TYW1B: variants seen among roughly 807,000 people sequenced by gnomAD.
TYW1B encodes tRNA-yW synthesizing protein 1 homolog B.
In TYW1B, 73 loss-of-function variants were observed where a neutral mutation model predicts 86.9. The ratio of observed to expected loss-of-function variants is 0.84; its 90% CI spans 0.70 to 1.02. The LOEUF is 1.02. TYW1B is among the 50% of genes least tolerant of loss of function. The probability of loss-of-function intolerance (pLI) is 0.00; values close to 1 mark genes in which losing one functional copy is unlikely to be tolerated. For synonymous variants in TYW1B, 248 were observed against 292.8 expected (o/e 0.85, Z 1.56); for missense variants, 637 against 827.4 (o/e 0.77, Z 2.82).
At chr7:72,745,138 C>T (rs1429343815) in intron 7 of TYW1B, among the ~76,000 whole-genome samples, 1 of 152,198 alleles carries the variant, frequency 6.6e-6, no homozygotes, top group African/African-American at 2.4e-5. Flanking sequence ...AATCCTCCTG[C>T]CTCAGACTCT....
chr7:72,686,704 T>C (rs3015927), intron 11 of TYW1B, among the ~76,000 whole-genome samples: 2 of 152,168 alleles, frequency 1.3e-5, no homozygotes, highest in Non-Finnish European at 2.9e-5. Context: ...AAATACAGAC[T>C]GTGGCTGATA....
At chr7:72,757,234 AGC>A (rs1787606861) in intron 7 of TYW1B, among the ~76,000 whole-genome samples, 1 of 151,698 alleles carries the variant, frequency 6.6e-6, no homozygotes. Context: ...CAGGCGTGGT[AGC>A]GCGCGCCTGT....
chr7:72,815,068 C>CAAAAAAAAAAAAAAAA (rs576240918), intron 3 of TYW1B, among the ~76,000 whole-genome samples: 1 of 73,112 alleles, frequency 1.4e-5, no homozygotes, highest in Non-Finnish European at 2.8e-5. Flanking sequence ...GACTCCATCT[C>CAAAAAAAAAAAAAAAA]AAAAAAAAAA....
intron 6 of TYW1B, among the ~76,000 whole-genome samples, chr7:72,794,922 G>A (rs563681248): frequency 1.3e-5 from 2 of 151,668 alleles, no homozygotes; most frequent in South Asian, 2.1e-4. Flanking sequence ...AGGCTCAAGC[G>A]ATTCTCCTAC....
chr7:72,669,742 A>G (rs1363753723), intron 11 of TYW1B, among the ~76,000 whole-genome samples: 1 of 151,202 alleles, frequency 6.6e-6, no homozygotes, highest in African/African-American at 2.4e-5. Context: ...TGCACTCCAG[A>G]CTGGGTGATA....
At chr7:72,632,399 T>TATATACATATGTATATAA (rs1812541714) in intron 11 of TYW1B, among the ~76,000 whole-genome samples, 2 of 94,518 alleles carry the variant, frequency 2.1e-5, no homozygotes, top group African/African-American at 1.5e-4. Flanking sequence ...TATATATATA[T>TATATACATATGTATATAA]AATATATATA....
chr7:72,758,484 T>TTAGAAAAAA (rs1554466642), intron 7 of TYW1B, among the ~76,000 whole-genome samples: 1 of 151,900 alleles, frequency 6.6e-6, no homozygotes, highest in African/African-American at 2.4e-5. Context: ...TTTTTCTCTC[T>TTAGAAAAAA]CTGTTTGTTA....
intron 12 of TYW1B, among the ~76,000 whole-genome samples, chr7:72,620,922 G>A (rs1310579543): frequency 4.6e-5 from 7 of 152,310 alleles, no homozygotes; most frequent in Admixed American, 3.3e-4. Flanking sequence ...AAGAATGTTC[G>A]TGAAGAACAG....
rs62466878 is a variant in TYW1B at position 72,798,743 on chromosome 7, T to G, written c.846+3657A>C. ...ATCCTGGACTCCCACCTGCAAGGTATGAGTGCCTGTTTACTCAGAGCCTCG... is the reference window on the plus strand; with the variant it reads ...ATCCTGGACTCCCACCTGCAAGGTAGGAGTGCCTGTTTACTCAGAGCCTCG... On this transcript the variant is annotated intron_variant, in intron 6 of 13. Coordinates refer to ENST00000620995, the MANE Select transcript of TYW1B (RefSeq NM_001145440.3). Among the ~76,000 whole-genome samples the G allele has an allele frequency of 6.3e-3, 955 of 152,332 alleles. 6 individuals carry two copies. The highest frequency in any genetic ancestry group is 8.4e-3 in the Non-Finnish European group (573 of 68,042).
rs539678048 is a variant in TYW1B, at chr7:72,704,689, C to T, written c.1370+8932G>A. On this transcript the variant is annotated intron_variant, in intron 10 of 13. Coordinates refer to ENST00000620995, the MANE Select transcript of TYW1B (RefSeq NM_001145440.3). ...CCTGCCTTGCCAAAGGTGAAACTTC[C>T]GTGTTTCATGTCTTATCTCACATAC... Among the ~76,000 whole-genome samples the T allele has an allele frequency of 3.9e-5, 6 of 152,194 alleles. No homozygotes were observed. In the East Asian group the frequency reaches 1.2e-3, roughly 29 times the overall value.
rs1814685884 is a variant in TYW1B at position 72,709,264 on chromosome 7, T to C, written c.1370+4357A>G. 2.6e-5 allele frequency among the ~76,000 whole-genome samples: 4 copies of C among 152,226 alleles called. 1 individual carries two copies. In the South Asian group the frequency reaches 8.3e-4, roughly 32 times the overall value. ...ATCTAGAATGGCTACTTTCTACATA[T>C]TCTGTCTTGTTCCAGGGAAGGACAT... On this transcript the variant is annotated intron_variant, in intron 10 of 13. Transcript: ENST00000620995.
At chr7:72,775,990 A>G (rs1286932000) in intron 7 of TYW1B, among the ~76,000 whole-genome samples, 4 of 152,162 alleles carry the variant, frequency 2.6e-5, no homozygotes, top group Admixed American at 2.6e-4. Context: ...GCTTTAGAGC[A>G]TACGTAAAAC....
intron 8 of TYW1B, among the ~76,000 whole-genome samples, chr7:72,743,621 A>T (rs2129571341): frequency 6.6e-6 from 1 of 152,220 alleles, no homozygotes; most frequent in Admixed American, 6.5e-5. Context: ...AGGTGGGCGG[A>T]TCACCTGAGG....
At chr7:72,733,377 T>C (rs369969474) in intron 8 of TYW1B, among the ~76,000 whole-genome samples, 1 of 152,126 alleles carries the variant, frequency 6.6e-6, no homozygotes, top group African/African-American at 2.4e-5. Context: ...TAAAAATCCT[T>C]GGCCGGGCGC....
intron 6 of TYW1B, among the ~76,000 whole-genome samples, chr7:72,791,265 A>T (rs1334801293): frequency 6.6e-6 from 1 of 151,902 alleles, no homozygotes; most frequent in Non-Finnish European, 1.5e-5. Context: ...TTGGGGAGGG[A>T]GGGGGAGTTG....
rs782495919 is a variant in TYW1B, at chr7:72,606,899, G to A, written c.1785+9773C>T. 1.1e-4 allele frequency among the ~76,000 whole-genome samples: 16 copies of A among 152,260 alleles called. 1 individual carries two copies. The highest frequency in any genetic ancestry group is 6.8e-3 in the Middle Eastern group (2 of 294). On this transcript the variant is annotated intron_variant, in intron 13 of 13. Coordinates refer to ENST00000620995, the MANE Select transcript of TYW1B (RefSeq NM_001145440.3). ...AGACAGAAGATTTATTAATAAATAAGATCCAGAGTCTCCTAACATAACACC... is the reference window on the plus strand; with the variant it reads ...AGACAGAAGATTTATTAATAAATAAAATCCAGAGTCTCCTAACATAACACC...
At chr7:72,827,139 G>A (rs1554481579) in intron 1 of TYW1B, among the ~76,000 whole-genome samples, 154 bp from the exon 2 acceptor site, 1 of 152,226 alleles carries the variant, frequency 6.6e-6, no homozygotes, top group Non-Finnish European at 1.5e-5. Context: ...CGGGCACAGT[G>A]GCTCATGCCT....
chr7:72,778,513 G>C (rs1422742268), intron 6 of TYW1B, among the ~76,000 whole-genome samples: 4 of 152,112 alleles, frequency 2.6e-5, no homozygotes, highest in African/African-American at 4.8e-5. Flanking sequence ...GCAGTGGCAC[G>C]ATCTTGGCTC....
intron 11 of TYW1B, among the ~76,000 whole-genome samples, chr7:72,692,586 T>C (rs1814197636): frequency 6.6e-6 from 1 of 151,782 alleles, no homozygotes; most frequent in South Asian, 2.1e-4. Flanking sequence ...AATTCAGACA[T>C]AAGGAAGGAA....
Sources: allele counts gnomAD v4.1 joint callset (sites outside exome capture counted in the v4.1 genomes callset), GRCh38; gene constraint gnomAD v4.1.1; transcripts MANE v1.5; gene names NCBI Gene and HGNC (gene_info 2026-07-23, HGNC 2026-07-21).